GPT: variants seen among roughly 807,000 people sequenced by gnomAD.
GPT encodes the protein alanine aminotransferase 1.
Under a neutral mutation model 51.4 loss-of-function variants are expected in GPT, and 60 were observed. That is an observed-to-expected ratio of 1.17 (90% CI 0.95 to 1.45). GPT has a LOEUF of 1.45. Ranked by LOEUF, GPT falls within the 40% of genes most tolerant of loss-of-function variation. The pLI is 0.00. For missense variants in GPT, 853 were observed against 704.0 expected (o/e 1.21, Z -2.40); for synonymous variants, 397 against 303.1 (o/e 1.31, Z -3.22).
chr8:144,504,014 G>C (rs1826659101), upstream of GPT: 5 of 514,846 alleles, frequency 9.7e-6, no homozygotes, highest in Non-Finnish European at 1.8e-5. Flanking sequence ...GCAGGCACTG[G>C]GCCTTGCCCC....
chr8:144,506,520 C>T lies in GPT; in HGVS notation c.1151C>T (p.Ala384Val). Residue 384 changes from alanine (A) to valine (V), a missense_variant, in exon 9 of 11, where the codon GCA becomes GTA. By Grantham distance (64) the Ala-to-Val change is moderately conservative. Coordinates refer to ENST00000394955, the MANE Select transcript of GPT (RefSeq NM_005309.3). This position sits in a 1 kb window ranked among gnomAD's most constrained non-coding sequence, Gnocchi z 7.0. ...CCACAGGAGAAGCAGGCAGTGCTGG[C>T]AGAGCTGGCGGCCAAGGCCAAGCTC... is the stretch of plus-strand genomic sequence containing the variant. ...QFQAEKQAVL[A>V]ELAAKAKLTE... 1 of 1,597,598 alleles carries T rather than the reference C, an allele frequency of 6.3e-7. No homozygotes were observed. The highest frequency in any genetic ancestry group is 1.1e-5 in the South Asian group (1 of 88,166).
chr8:144,504,858 G>A lies in GPT; in HGVS notation c.340G>A (p.Ala114Thr). Residue 114 changes from alanine to threonine, a missense_variant, in exon 3 of 11, where the codon GCG (alanine) becomes ACG (threonine). Transcript: ENST00000394955. ...AKKRAERILQ[A>T]CGGHSLGAYS... is the part of the protein sequence containing the mutation. ...GAAAAGGGCGGAGCGCATCTTGCAG[G>A]CGTGTGGGGGCCACAGTCTGGGTGA... 5 of 1,613,346 alleles carry A rather than the reference G, an allele frequency of 3.1e-6. No individual in the cohort carries two copies. The highest frequency in any genetic ancestry group is 4.2e-6 in the Non-Finnish European group (5 of 1,180,016).
rs569438469 is a variant in GPT, at chr8:144,505,312, C to T, written c.562C>T (p.Gln188Ter). 55 of 1,570,742 alleles carry T rather than the reference C, an allele frequency of 3.5e-5. No homozygotes were observed. The East Asian group carries it at 8.8e-4, about 25-fold the overall frequency. The change falls in exon 5 of 11, where the codon CAG becomes TAG. Residue 188 changes from glutamine (Q) to a stop codon, truncating the protein, a stop_gained. Coordinates refer to ENST00000394955, the MANE Select transcript of GPT (RefSeq NM_005309.3). LOFTEE classifies it high-confidence loss of function. ...TRTGVLIPIPQYPLYSATLAE... is the reference protein window; with the variant it reads ...TRTGVLIPIP ...CACGGGTGTGCTCATCCCCATCCCC[C>T]AGTACCCACTCTACTCGGCCACGCT...
At position 144,504,779 on chromosome 8, in the gene GPT, C is replaced by A; in HGVS notation, c.261C>A (p.Ala87=). ...RPITFLRQVL[A]LCVNPDLLSS... ...GCACTCCGTCTTCCCAGGTCTTGGC[C>A]CTCTGTGTTAACCCTGATCTTCTGA... The change falls in exon 3 of 11, where the codon GCC becomes GCA. Residue 87 remains alanine, a synonymous_variant. Coordinates refer to ENST00000394955, the MANE Select transcript of GPT (RefSeq NM_005309.3). 6.2e-7 allele frequency: 1 copy of A among 1,613,658 alleles called. No individual in the cohort carries two copies. The highest frequency in any genetic ancestry group is 8.5e-7 in the Non-Finnish European group (1 of 1,179,976).
rs574293673 is a variant in GPT, at chr8:144,506,793, C to T, written c.1350C>T (p.Cys450=). 3.8e-5 allele frequency: 62 copies of T among 1,612,516 alleles called. No individual in the cohort carries two copies. The highest frequency in any genetic ancestry group is 6.7e-5 in the African/African-American group (5 of 74,928). ...CLRLLEETGI[C]VVPGSGFGQR... Reference sequence around the variant, plus strand: ...GCCTCCTGGAGGAGACCGGCATCTGCGTGGTGCCAGGGAGCGGCTTTGGGC... The same window carrying T: ...GCCTCCTGGAGGAGACCGGCATCTGTGTGGTGCCAGGGAGCGGCTTTGGGC... The change falls in exon 10 of 11, where the codon TGC becomes TGT. Residue 450 remains cysteine, a synonymous_variant. Coordinates refer to ENST00000394955, the MANE Select transcript of GPT (RefSeq NM_005309.3). The surrounding 1 kb of genome is among the most constrained non-coding windows in gnomAD (Gnocchi z 7.0).
In GPT at chr8:144,506,483, CT is replaced by C. The variant is rs774335721; in HGVS notation, c.1132-17del. ...GCCGAGTGCCGTGCCCTGATGGGCCCTCCCTCCGCGGCCACAGGAGAAGCAG... is the reference window on the plus strand; with the variant it reads ...GCCGAGTGCCGTGCCCTGATGGGCCCCCCTCCGCGGCCACAGGAGAAGCAG... On this transcript the variant is annotated splice_polypyrimidine_tract_variant and intron_variant, in intron 8 of 10. Transcript: ENST00000394955. The surrounding 1 kb of genome is among the most constrained non-coding windows in gnomAD (Gnocchi z 7.0). 8.2e-6 allele frequency: 13 copies of C among 1,590,212 alleles called. No individual in the cohort carries two copies. Among genetic ancestry groups the C allele is most frequent in the Non-Finnish European group, 1.1e-5 (13 of 1,169,734 alleles).
In GPT at chr8:144,506,809, G is replaced by A. The variant is rs772319250; in HGVS notation, c.1366G>A (p.Gly456Ser). The A allele has an allele frequency of 3.7e-6, 6 of 1,612,742 alleles. No individual in the cohort carries two copies. Among genetic ancestry groups the A allele is most frequent in the Non-Finnish European group, 5.1e-6 (6 of 1,179,984 alleles). Residue 456 changes from glycine to serine, a missense_variant, in exon 10 of 11, where the codon GGC (glycine) becomes AGC (serine). Physicochemically the swap from Gly to Ser is moderately conservative, Grantham distance 56. Transcript: ENST00000394955. This position sits in a 1 kb window ranked among gnomAD's most constrained non-coding sequence, Gnocchi z 7.0. Reference sequence around the variant, plus strand: ...CGGCATCTGCGTGGTGCCAGGGAGCGGCTTTGGGCAGCGGGAAGGCACCTA... The same window carrying A: ...CGGCATCTGCGTGGTGCCAGGGAGCAGCTTTGGGCAGCGGGAAGGCACCTA... ...ETGICVVPGS[G>S]FGQREGTYHF...
In GPT at chr8:144,507,096, C is replaced by T. The variant is rs1344574949; in HGVS notation, c.*96C>T. ...CACTGTACTTGCTCTTGATGCCTGG[C>T]GGGGTGGGGTGGGGGGGGTGCTGGG... On this transcript the variant is annotated 3_prime_UTR_variant, in exon 11 of 11. Coordinates refer to ENST00000394955, the MANE Select transcript of GPT (RefSeq NM_005309.3). 15 of 118,840 alleles carry T rather than the reference C, an allele frequency of 1.3e-4. No individual in the cohort carries two copies. The highest frequency in any genetic ancestry group is 2.3e-3 in the Middle Eastern group (1 of 440). 7.4% of individuals were successfully genotyped at this position (118,840 alleles called of 1,614,324 possible). A position where few individuals can be genotyped will look rare whatever the true frequency, so the allele number is the denominator to read the frequency against.
In GPT at chr8:144,507,032, T is replaced by C. The variant is rs1449675511; in HGVS notation, c.*32T>C. On this transcript the variant is annotated 3_prime_UTR_variant, in exon 11 of 11. Transcript: ENST00000394955. ...CAGCTGGGGCCAGGCTGGGTCGCCC[T>C]GGACTGTGTGCTCAGGAGCCCTGGG... 7.6e-7 allele frequency: 1 copy of C among 1,318,512 alleles called. No homozygotes were observed. Among genetic ancestry groups the C allele is most frequent in the African/African-American group, 1.6e-5 (1 of 61,246 alleles). The allele number at this position is 1,318,512 out of a possible 1,614,324, so 81.7% of individuals were successfully genotyped here.
At chr8:144,504,032 G>C (rs958428730), upstream of GPT, 1 of 539,126 alleles carries the variant, frequency 1.9e-6, no homozygotes, top group African/African-American at 1.9e-5. Context: ...CCCAAGCCCC[G>C]CCTGCCACCT....
In GPT at chr8:144,504,792, C is replaced by G. The variant is rs755956337; in HGVS notation, c.274C>G (p.Pro92Ala). The G allele has an allele frequency of 1.2e-6, 2 of 1,613,592 alleles. No homozygotes were observed. The highest frequency in any genetic ancestry group is 1.7e-6 in the Non-Finnish European group (2 of 1,180,020). ...CCAGGTCTTGGCCCTCTGTGTTAAC[C>G]CTGATCTTCTGAGCAGCCCCAACTT... ...LRQVLALCVN[P>A]DLLSSPNFPD... Residue 92 changes from proline to alanine, a missense_variant, in exon 3 of 11, where the codon CCT becomes GCT. Pro to Ala is a conservative substitution (Grantham distance 27, BLOSUM62 -1). Transcript: ENST00000394955.
At position 144,505,856 on chromosome 8, in the gene GPT, C is replaced by A. The variant is rs779971365; in HGVS notation, c.748C>A (p.Gln250Lys). 32 of 1,549,828 alleles carry A rather than the reference C, an allele frequency of 2.1e-5. No individual in the cohort carries two copies. Among genetic ancestry groups the A allele is most frequent in the African/African-American group, 9.6e-5 (7 of 73,058 alleles). The change falls in exon 6 of 11, where the codon CAG becomes AAG. Residue 250 changes from glutamine to lysine, a missense_variant. By Grantham distance (53) the Gln-to-Lys change is moderately conservative. Coordinates refer to ENST00000394955, the MANE Select transcript of GPT (RefSeq NM_005309.3). Reference sequence around the variant, plus strand: ...CCTCCCCGGCACCCCAGGGCAGGTGCAGACCCGCGAGTGCATCGAGGCCGT... The same window carrying A: ...CCTCCCCGGCACCCCAGGGCAGGTGAAGACCCGCGAGTGCATCGAGGCCGT... ...INPGNPTGQV[Q>K]TRECIEAVIR...
At chr8:144,505,700 G>A (rs1461085380) in intron 5 of GPT, 148 bp from the exon 6 acceptor site, 1 of 494,528 alleles carries the variant, frequency 2.0e-6, no homozygotes, top group African/African-American at 2.5e-5. Flanking sequence ...CGCGCCCACG[G>A]TGCGTTCCCC....
Position 144,505,327 on chromosome 8 carries a change from T to C in GPT, c.577T>C (p.Ser193Pro). The change falls in exon 5 of 11, where the codon TCG becomes CCG. Residue 193 changes from serine (S) to proline (P), a missense_variant. Ser to Pro is a moderately conservative substitution (Grantham distance 74). Transcript: ENST00000394955. The stretch of plus-strand genomic sequence containing the variant: ...CCCCATCCCCCAGTACCCACTCTAC[T>C]CGGCCACGCTGGCAGAGCTGGGCGC... ...LIPIPQYPLY[S>P]ATLAELGAVQ... 2 of 1,568,686 alleles carry C rather than the reference T, an allele frequency of 1.3e-6. No individual in the cohort carries two copies. The highest frequency in any genetic ancestry group is 1.7e-6 in the Non-Finnish European group (2 of 1,157,254).
Position 144,506,056 on chromosome 8 carries a change from TG to T in GPT, c.883del (p.Glu295ArgfsTer36). On this transcript the variant is annotated frameshift_variant, in exon 7 of 11. Coordinates refer to ENST00000394955, the MANE Select transcript of GPT (RefSeq NM_005309.3). LOFTEE classifies it high-confidence loss of function. This position sits in a 1 kb window ranked among gnomAD's most constrained non-coding sequence, Gnocchi z 7.0. ...TTCCACTCATTCAAGAAGGTGCTCA[TG>T]GAGATGGGGCCGCCCTACGCCGGGC... is the stretch of plus-strand genomic sequence containing the variant. ...SQFHSFKKVL[M>X]EMGPPYAGQQ... The T allele has an allele frequency of 6.2e-7, 1 of 1,612,346 alleles. No individual in the cohort carries two copies. Among genetic ancestry groups the T allele is most frequent in the Middle Eastern group, 1.6e-4 (1 of 6,062 alleles).
Position 144,505,984 on chromosome 8 carries a change from C to A in GPT, c.820-11C>A. 3 of 1,612,292 alleles carry A rather than the reference C, an allele frequency of 1.9e-6. No homozygotes were observed. The highest frequency in any genetic ancestry group is 2.5e-6 in the Non-Finnish European group (3 of 1,179,666). On this transcript the variant is annotated splice_polypyrimidine_tract_variant and intron_variant, in intron 6 of 10. Coordinates refer to ENST00000394955, the MANE Select transcript of GPT (RefSeq NM_005309.3). Reference sequence around the variant, plus strand: ...AACAGTCCGCCCCCGTGACGCCTTGCGCCCTTCCAGGTGTACCAGGACAAC... The same window carrying A: ...AACAGTCCGCCCCCGTGACGCCTTGAGCCCTTCCAGGTGTACCAGGACAAC...
rs370247961 is a variant in GPT at position 144,506,424 on chromosome 8, G to A, written c.1131+18G>A. The A allele has an allele frequency of 2.0e-5, 31 of 1,561,704 alleles. No individual in the cohort carries two copies. Among genetic ancestry groups the A allele is most frequent in the Middle Eastern group, 1.7e-4 (1 of 6,026 alleles). ...TCCAGGCTGTGAGTTGGGGGCAGGA[G>A]GGGGTCCAGGTGACCTAATCAGGGG... is the stretch of plus-strand genomic sequence containing the variant. On this transcript the variant is annotated intron_variant, in intron 8 of 10. Coordinates refer to ENST00000394955, the MANE Select transcript of GPT (RefSeq NM_005309.3). The surrounding 1 kb of genome is among the most constrained non-coding windows in gnomAD (Gnocchi z 7.0).
rs1371965179 is a variant in GPT, at chr8:144,504,402, T to G, written c.98T>G (p.Val33Gly). 1 of 1,611,136 alleles carries G rather than the reference T, an allele frequency of 6.2e-7. No homozygotes were observed. The highest frequency in any genetic ancestry group is 8.5e-7 in the Non-Finnish European group (1 of 1,179,824). ...LDGMNPRVRR[V>G]EYAVRGPIVQ... ...GGCATGAACCCGCGTGTGCGGAGAG[T>G]GGAGTACGCAGTGCGTGGCCCCATA... The change falls in exon 1 of 11, where the codon GTG becomes GGG. Residue 33 changes from valine to glycine, a missense_variant. Val to Gly is a moderately radical substitution (Grantham distance 109). Transcript: ENST00000394955.
Position 144,505,302 on chromosome 8 carries a change from C to T in GPT, c.552C>T (p.Ile184=), listed in dbSNP as rs1417480631. The change falls in exon 5 of 11, where the codon ATC becomes ATT. Residue 184 remains isoleucine, a synonymous_variant. Transcript: ENST00000394955. ...GEGHTRTGVL[I]PIPQYPLYSA... ...GCCACACACGCACGGGTGTGCTCAT[C>T]CCCATCCCCCAGTACCCACTCTACT... 6.4e-7 allele frequency: 1 copy of T among 1,572,124 alleles called. No homozygotes were observed. The highest frequency in any genetic ancestry group is 1.2e-5 in the South Asian group (1 of 86,560).
Sources: allele counts gnomAD v4.1 joint callset, GRCh38; gene constraint gnomAD v4.1.1; non-coding constraint Gnocchi (gnomAD v3.1); transcripts MANE v1.5; gene names NCBI Gene and HGNC (gene_info 2026-07-23, HGNC 2026-07-21).